The following MAPKAP1 variants were observed in gnomAD, a reference collection of about 807,000 sequenced individuals.
The protein encoded by MAPKAP1 is target of rapamycin complex 2 subunit MAPKAP1.
MAPKAP1 carries 20 observed loss-of-function variants against 65.7 expected under a neutral mutation model. The ratio of observed to expected loss-of-function variants is 0.30; its 90% confidence interval spans 0.21 to 0.44. The LOEUF (loss-of-function observed/expected upper bound fraction) is 0.44. Ranked by LOEUF, MAPKAP1 falls within the 20% of genes least tolerant of loss-of-function variation. MAPKAP1 has a pLI of 1.00. For missense variants in MAPKAP1, 423 were observed against 648.0 expected (o/e 0.65, Z 3.77); for synonymous variants, 222 against 244.3 (o/e 0.91, Z 0.85).
chr9:125,698,296 T>C (rs10986847), intron 1 of MAPKAP1, among the ~76,000 whole-genome samples: 1 of 10,064 alleles, frequency 9.9e-5, no homozygotes, highest in Non-Finnish European at 2.0e-4. Flanking sequence ...TAAATATATA[T>C]ATATATATAT....
At chr9:125,667,924 A>G (rs943350154) in intron 3 of MAPKAP1, among the ~76,000 whole-genome samples, 2 of 152,216 alleles carry the variant, frequency 1.3e-5, no homozygotes, top group South Asian at 2.1e-4. Context: ...TAAATACAAC[A>G]AAGAGAAACA....
chr9:125,651,406 A>G (rs1833889599), intron 4 of MAPKAP1, among the ~76,000 whole-genome samples: 1 of 152,042 alleles, frequency 6.6e-6, no homozygotes, highest in South Asian at 2.1e-4. Flanking sequence ...GGAGTTTGAG[A>G]CGAGCCTGGC....
intron 1 of MAPKAP1, among the ~76,000 whole-genome samples, chr9:125,681,627 C>T (rs867933511): frequency 3.3e-5 from 5 of 152,264 alleles, no homozygotes; most frequent in Admixed American, 1.3e-4. Flanking sequence ...CACTTCTCCA[C>T]GGACACACCT....
At chr9:125,695,920 G>C (rs2131863333) in intron 1 of MAPKAP1, among the ~76,000 whole-genome samples, 1 of 152,112 alleles carries the variant, frequency 6.6e-6, no homozygotes, top group South Asian at 2.1e-4. Flanking sequence ...TAGAGACGGG[G>C]TTTCTACATG....
chr9:125,449,535 C>T (rs1852860714), intron 10 of MAPKAP1, among the ~76,000 whole-genome samples: 1 of 152,168 alleles, frequency 6.6e-6, no homozygotes, highest in South Asian at 2.1e-4. Flanking sequence ...TGAAACTGTA[C>T]CTCCACTCGT....
At chr9:125,580,503 A>G (rs1831586092) in intron 5 of MAPKAP1, among the ~76,000 whole-genome samples, 2 of 114,624 alleles carry the variant, frequency 1.7e-5, no homozygotes, top group Non-Finnish European at 3.3e-5. Context: ...ACTTGGACAC[A>G]GGGCGGGGAA....
At chr9:125,577,888 G>A (rs1330416250) in intron 5 of MAPKAP1, among the ~76,000 whole-genome samples, 2 of 151,482 alleles carry the variant, frequency 1.3e-5, no homozygotes, top group Non-Finnish European at 3.0e-5. Flanking sequence ...CTACTGGGAG[G>A]TGAGGAGCCC....
chr9:125,544,512 A>G, intron 6 of MAPKAP1, among the ~76,000 whole-genome samples: 1 of 152,162 alleles, frequency 6.6e-6, no homozygotes, highest in East Asian at 1.9e-4. Flanking sequence ...TACTCTAAAA[A>G]CAGAAGCCCA....
intron 4 of MAPKAP1, among the ~76,000 whole-genome samples, chr9:125,590,019 C>T (rs1047525715): frequency 5.9e-5 from 9 of 152,168 alleles, no homozygotes; most frequent in Admixed American, 2.0e-4. Context: ...TTTCTGGAGT[C>T]GGTTGATAGC....
chr9:125,650,822 A>C (rs1243702037), intron 4 of MAPKAP1, among the ~76,000 whole-genome samples: 1 of 152,218 alleles, frequency 6.6e-6, no homozygotes, highest in Non-Finnish European at 1.5e-5. Context: ...TGTGATTCCT[A>C]TTTAACTCAT....
At chr9:125,639,866 G>A (rs1202573201) in intron 4 of MAPKAP1, among the ~76,000 whole-genome samples, 2 of 152,232 alleles carry the variant, frequency 1.3e-5, no homozygotes, top group East Asian at 3.8e-4. Flanking sequence ...AGGTTATGAT[G>A]AGGAGGGCAG....
chr9:125,558,285 C>A (rs1035069688), intron 6 of MAPKAP1, among the ~76,000 whole-genome samples: 9 of 152,126 alleles, frequency 5.9e-5, no homozygotes, highest in African/African-American at 2.2e-4. Flanking sequence ...GCATCATTGG[C>A]CAACTTTTCA....
chr9:125,558,049 G>T (rs897106058), intron 6 of MAPKAP1, among the ~76,000 whole-genome samples: 1 of 152,070 alleles, frequency 6.6e-6, no homozygotes. Context: ...TAGAGACGGG[G>T]TTTCACCATG....
intron 4 of MAPKAP1, among the ~76,000 whole-genome samples, chr9:125,596,949 G>GAATA (rs1311773015): frequency 1.6e-5 from 2 of 122,102 alleles, no homozygotes; most frequent in Non-Finnish European, 3.2e-5. Flanking sequence ...TCATGACGCT[G>GAATA]AATAAATGTG....
intron 1 of MAPKAP1, among the ~76,000 whole-genome samples, chr9:125,678,493 T>C (rs1834722298): frequency 1.3e-5 from 2 of 152,136 alleles, no homozygotes; most frequent in Admixed American, 6.5e-5. Context: ...CCGCCCGCCT[T>C]GGCATTCCAA....
intron 4 of MAPKAP1, among the ~76,000 whole-genome samples, chr9:125,590,370 C>A (rs1013092841): frequency 6.6e-6 from 1 of 152,062 alleles, no homozygotes; most frequent in African/African-American, 2.4e-5. Context: ...AGCATTTAGG[C>A]CAGGTGCGGT....
At chr9:125,577,611 T>TGGG (rs1169402533) in intron 5 of MAPKAP1, among the ~76,000 whole-genome samples, 3 of 33,096 alleles carry the variant, frequency 9.1e-5, no homozygotes, top group Non-Finnish European at 1.7e-4. Flanking sequence ...GGGAGGGAGG[T>TGGG]GGGGGGGGTC....
intron 4 of MAPKAP1, among the ~76,000 whole-genome samples, chr9:125,603,322 A>C (rs1443029471): frequency 2.0e-5 from 3 of 152,166 alleles, no homozygotes; most frequent in Non-Finnish European, 4.4e-5. Flanking sequence ...CTGTTACTAA[A>C]TCTGGCTACC....
intron 8 of MAPKAP1, among the ~76,000 whole-genome samples, chr9:125,498,323 C>T (rs561659656): frequency 6.6e-6 from 1 of 152,290 alleles, no homozygotes; most frequent in South Asian, 2.1e-4. Context: ...GTTTTATCAA[C>T]AATCTCAGGG....
Sources: gnomAD v4.1 joint callset for allele counts (sites outside exome capture counted in the v4.1 genomes callset) on GRCh38, gnomAD v4.1.1 for gene constraint, MANE v1.5 for transcripts, NCBI Gene and HGNC (gene_info 2026-07-23, HGNC 2026-07-21) for gene names.